Variants in CDC5L observed in about 807,000 individuals in gnomAD.
CDC5L encodes cell division cycle 5-like protein.
Under a neutral mutation model 104.1 loss-of-function variants are expected in CDC5L, and 18 were observed. The observed-to-expected ratio is 0.17, with a 90% CI of 0.12 to 0.26. The LOEUF is 0.26. Ranked by LOEUF, CDC5L falls within the 10% of genes least tolerant of loss-of-function variation. CDC5L has a pLI of 1.00. For missense variants in CDC5L, 673 were observed against 956.9 expected, an observed-to-expected ratio of 0.70 and a Z score of 3.91; for synonymous variants, 331 against 322.7, an observed-to-expected ratio of 1.03 and a Z score of -0.28.
At chr6:44,422,061 G>A (rs1792209316) in intron 9 of CDC5L, among the ~76,000 whole-genome samples, 1 of 152,182 alleles carries the variant, frequency 6.6e-6, no homozygotes, top group Non-Finnish European at 1.5e-5. Context: ...TTAAAATATA[G>A]GTTGCTGCAA....
In CDC5L at chr6:44,446,745, A is replaced by G. The variant is rs1169004439; in HGVS notation, c.*34A>G. 1 of 1,076,316 alleles carries G rather than the reference A, an allele frequency of 9.3e-7. No individual in the cohort carries two copies. The highest frequency in any genetic ancestry group is 1.4e-5 in the South Asian group (1 of 72,026). The allele number at this position is 1,076,316 out of a possible 1,614,324, so 66.7% of individuals were successfully genotyped here. Reference sequence around the variant, plus strand: ...TTATATTCTGTCACAGGATTAATTAATTGCCGGTTTTCATACTCTAGAAGG... The same window carrying G: ...TTATATTCTGTCACAGGATTAATTAGTTGCCGGTTTTCATACTCTAGAAGG... On this transcript the variant is annotated 3_prime_UTR_variant, in exon 16 of 16. Transcript: ENST00000371477.
chr6:44,437,290 G>A (rs1792982068), intron 14 of CDC5L, among the ~76,000 whole-genome samples: 1 of 152,116 alleles, frequency 6.6e-6, no homozygotes. Context: ...TCCTCTTAAA[G>A]CATATTGAGC....
chr6:44,429,648 A>G (rs1792589428), intron 13 of CDC5L, 65 bp from the exon 14 acceptor site: 5 of 1,444,430 alleles, frequency 3.5e-6, no homozygotes, highest in Admixed American at 1.9e-5. Flanking sequence ...TTAGTCTTCT[A>G]AAGCTCTCTG....
chr6:44,438,041 CT>C (rs1793014535), intron 14 of CDC5L, among the ~76,000 whole-genome samples: 1 of 152,182 alleles, frequency 6.6e-6, no homozygotes, highest in Non-Finnish European at 1.5e-5. Context: ...CCTCCAACCT[CT>C]CAGGCTTGGG....
In CDC5L at chr6:44,411,718, C is replaced by T. The variant is rs114374510; in HGVS notation, c.1092+3086C>T. On this transcript the variant is annotated intron_variant, in intron 8 of 15. Coordinates refer to ENST00000371477, the MANE Select transcript of CDC5L (RefSeq NM_001253.4). Reference sequence around the variant, plus strand: ...TTTTTCTTCTCATTTTATATTGTTTCGTGAAAGTTTACAAAATTATGGCAC... The same window carrying T: ...TTTTTCTTCTCATTTTATATTGTTTTGTGAAAGTTTACAAAATTATGGCAC... 8.0e-3 allele frequency among the ~76,000 whole-genome samples: 1,205 copies of T among 150,166 alleles called. 21 individuals carry two copies. The highest frequency in any genetic ancestry group is 0.028 in the African/African-American group (1,148 of 40,736).
At chr6:44,390,986 T>C in intron 2 of CDC5L, among the ~76,000 whole-genome samples, 1 of 126,486 alleles carries the variant, frequency 7.9e-6, no homozygotes, top group African/African-American at 2.9e-5. Context: ...ATATATTATA[T>C]ATTAAACATA....
chr6:44,445,961 A>G, intron 15 of CDC5L, 94 bp downstream of exon 15: 1 of 951,190 alleles, frequency 1.1e-6, no homozygotes, highest in Non-Finnish European at 1.6e-6. Flanking sequence ...ACTGTCTCTG[A>G]AGTTGGTACT....
chr6:44,428,041 A>AGC (rs199939998), intron 13 of CDC5L, among the ~76,000 whole-genome samples: 3,497 of 152,308 alleles, frequency 0.023, 62 homozygotes, highest in Middle Eastern at 0.037. Flanking sequence ...TCCAAAAAGA[A>AGC]TTTGAAGCAG....
intron 5 of CDC5L, among the ~76,000 whole-genome samples, chr6:44,398,838 G>A (rs1288660697): frequency 6.6e-6 from 1 of 152,132 alleles, no homozygotes; most frequent in Non-Finnish European, 1.5e-5. Context: ...GCATTTATGT[G>A]TATATATGTA....
intron 8 of CDC5L, among the ~76,000 whole-genome samples, chr6:44,415,435 A>G (rs1364190122): frequency 1.3e-5 from 2 of 152,308 alleles, no homozygotes; most frequent in African/African-American, 4.8e-5. Context: ...CCTAAATAGA[A>G]TAGAGGTTTA....
intron 9 of CDC5L, among the ~76,000 whole-genome samples, chr6:44,421,824 T>A (rs1792189062): frequency 6.6e-6 from 1 of 152,062 alleles, no homozygotes; most frequent in Non-Finnish European, 1.5e-5. Context: ...GGGAGTTGAG[T>A]ATCTGCAGGG....
intron 1 of CDC5L, among the ~76,000 whole-genome samples, chr6:44,389,156 A>G (rs1251198437): frequency 6.6e-6 from 1 of 152,154 alleles, no homozygotes; most frequent in African/African-American, 2.4e-5. Flanking sequence ...TAGAGTAGGT[A>G]TCTGCTGTAT....
chr6:44,392,865 A>G (rs764566785), intron 3 of CDC5L, 37 bp downstream of exon 3: 20 of 1,561,032 alleles, frequency 1.3e-5, no homozygotes, highest in Middle Eastern at 1.7e-4. Flanking sequence ...GAATATATGT[A>G]TATGTTCTGA....
At chr6:44,418,250 GT>G (rs987391436) in intron 8 of CDC5L, among the ~76,000 whole-genome samples, 1 of 151,936 alleles carries the variant, frequency 6.6e-6, no homozygotes, top group African/African-American at 2.4e-5. Flanking sequence ...GCGGTGTTTG[GT>G]TTTTTTGTCC....
At chr6:44,403,316 C>T (rs564826025) in intron 5 of CDC5L, among the ~76,000 whole-genome samples, 7 of 150,078 alleles carry the variant, frequency 4.7e-5, no homozygotes, top group African/African-American at 1.5e-4. Context: ...TCTTTTTACA[C>T]CCTTTGAGTG....
intron 14 of CDC5L, among the ~76,000 whole-genome samples, chr6:44,442,409 G>C (rs1793242939): frequency 6.8e-6 from 1 of 147,672 alleles, no homozygotes; most frequent in Non-Finnish European, 1.5e-5. Flanking sequence ...GTGTGTGTGT[G>C]TCTTAATGGC....
intron 8 of CDC5L, among the ~76,000 whole-genome samples, chr6:44,418,923 G>A (rs368837958): frequency 1.3e-5 from 2 of 150,352 alleles, no homozygotes; most frequent in Admixed American, 6.6e-5. Flanking sequence ...AGTAGGTTGC[G>A]AAAATTTTCT....
At chr6:44,433,011 A>G (rs944270627) in intron 14 of CDC5L, among the ~76,000 whole-genome samples, 2 of 152,242 alleles carry the variant, frequency 1.3e-5, no homozygotes, top group Non-Finnish European at 2.9e-5. Flanking sequence ...ATTGCTATTT[A>G]TAGTGGTATC....
chr6:44,391,734 G>C (rs1303412743), intron 2 of CDC5L, among the ~76,000 whole-genome samples: 1 of 152,122 alleles, frequency 6.6e-6, no homozygotes, highest in African/African-American at 2.4e-5. Context: ...TTGGCCAGGC[G>C]TGGTGGCTCA....
Sources: allele counts gnomAD v4.1 joint callset (sites outside exome capture counted in the v4.1 genomes callset), GRCh38; gene constraint gnomAD v4.1.1; transcripts MANE v1.5; gene names NCBI Gene and HGNC (gene_info 2026-07-23, HGNC 2026-07-21).